Variants in PDE4D observed in about 807,000 individuals in gnomAD.
The protein encoded by PDE4D is phosphodiesterase 4D.
In PDE4D, 24 loss-of-function variants were observed where a neutral mutation model predicts 87.4. That is an observed-to-expected ratio of 0.27 (90% CI 0.20 to 0.39). The LOEUF (loss-of-function observed/expected upper bound fraction) is 0.39. Ranked by LOEUF, PDE4D falls within the 10% of genes least tolerant of loss-of-function variation. The pLI is 1.00. For synonymous variants in PDE4D, 384 were observed against 383.2 expected (o/e 1.00, Z -0.02); for missense variants, 714 against 1,041.0 (o/e 0.69, Z 4.32).
At chr5:59,580,164 G>T (rs901058854) in intron 1 of PDE4D, among the ~76,000 whole-genome samples, 1 of 152,172 alleles carries the variant, frequency 6.6e-6, no homozygotes, top group Non-Finnish European at 1.5e-5. Flanking sequence ...GAACAATATG[G>T]TGGATTAAAA....
chr5:59,413,457 CAAAAAAAAAAAAAAAA>C (rs34074485), intron 1 of PDE4D, among the ~76,000 whole-genome samples: 1 of 54,410 alleles, frequency 1.8e-5, no homozygotes, highest in African/African-American at 8.3e-5. Context: ...GACTCCATCT[CAAAAAAAAAAAAAAAA>C]AAAAAAAAGA....
chr5:59,436,092 C>CA (rs1796764015), intron 1 of PDE4D, among the ~76,000 whole-genome samples: 1 of 152,110 alleles, frequency 6.6e-6, no homozygotes. Flanking sequence ...CTGGCAAATT[C>CA]AAAATTAATT....
chr5:59,770,827 C>T (rs1763359600), intron 1 of PDE4D, among the ~76,000 whole-genome samples: 2 of 152,040 alleles, frequency 1.3e-5, no homozygotes, highest in Non-Finnish European at 2.9e-5. Flanking sequence ...AATGGGTGCT[C>T]TAGGATATTT....
chr5:58,974,641 A>G lies in PDE4D; in HGVS notation c.*23T>C. The G allele has an allele frequency of 6.6e-7, 1 of 1,513,724 alleles. No individual in the cohort carries two copies. Among genetic ancestry groups the G allele is most frequent in the Non-Finnish European group, 8.8e-7 (1 of 1,130,100 alleles). The allele number at this position is 1,513,724 out of a possible 1,614,324, so 93.8% of individuals were successfully genotyped here. ...ACAATTTTTCTACTTAAAAAAAAAA[A>G]AGGCATGAAAGTTTTTGCACTGTTA... is the stretch of plus-strand genomic sequence containing the variant. On this transcript the variant is annotated 3_prime_UTR_variant, in exon 15 of 15. Transcript: ENST00000340635.
chr5:59,385,527 G>A (rs1006905198), intron 1 of PDE4D, among the ~76,000 whole-genome samples: 4 of 152,028 alleles, frequency 2.6e-5, no homozygotes, highest in African/African-American at 9.7e-5. Flanking sequence ...GGGTGGGGTA[G>A]GAGGCAAGGT....
At position 59,888,992 on chromosome 5, in the gene PDE4D, C is replaced by T. The variant is rs547704559; in HGVS notation, c.455+4176G>A. Among the ~76,000 whole-genome samples, 65 of 150,810 alleles carry T rather than the reference C, an allele frequency of 4.3e-4. No individual in the cohort carries two copies. In the South Asian group the frequency reaches 9.9e-3, roughly 23 times the overall value. On this transcript the variant is annotated intron_variant, in intron 1 of 14. Transcript: ENST00000340635. ...TCTGTATCCCAGCACTTTGGGAGGC[C>T]GAGGCGGGTGGATAACTTGAGGCCA...
intron 5 of PDE4D, among the ~76,000 whole-genome samples, chr5:59,135,163 C>T (rs1776857409): frequency 2.6e-5 from 4 of 152,284 alleles, no homozygotes; most frequent in African/African-American, 9.6e-5. Flanking sequence ...GAAGGATGTG[C>T]CCTTACTCTG....
intron 1 of PDE4D, among the ~76,000 whole-genome samples, chr5:60,337,974 T>C (rs2149889295): frequency 6.6e-6 from 1 of 152,284 alleles, no homozygotes; most frequent in South Asian, 2.1e-4. Flanking sequence ...TGGGCAATTA[T>C]AAGATGTTGT....
intron 1 of PDE4D, among the ~76,000 whole-genome samples, chr5:59,482,023 A>T (rs1463385436): frequency 6.6e-6 from 1 of 152,092 alleles, no homozygotes; most frequent in African/African-American, 2.4e-5. Flanking sequence ...TACAAAACCC[A>T]CTTCTTCAGG....
chr5:59,781,985 A>G (rs573987932), intron 1 of PDE4D, among the ~76,000 whole-genome samples: 1 of 152,234 alleles, frequency 6.6e-6, no homozygotes, highest in East Asian at 1.9e-4. Flanking sequence ...ATGACCTCAC[A>G]AACAGAAATA....
At chr5:60,154,507 C>T (rs975990320) in intron 2 of PDE4D, among the ~76,000 whole-genome samples, 2 of 152,180 alleles carry the variant, frequency 1.3e-5, no homozygotes, top group Non-Finnish European at 2.9e-5. Context: ...AACTCCTGAC[C>T]TTATGATCCA....
intron 1 of PDE4D, among the ~76,000 whole-genome samples, chr5:59,513,456 G>A (rs187351876): frequency 2.8e-4 from 43 of 152,216 alleles, no homozygotes; most frequent in Non-Finnish European, 5.3e-4. Flanking sequence ...TTGTAAGGAT[G>A]AACAAAATCC....
Position 58,990,910 on chromosome 5 carries a change from GAAA to G in PDE4D, c.1189-11_1189-9del, listed in dbSNP as rs368587062. ...GTTCACATCTTCTAGTTCCTGGAGT[GAAA>G]AAAAAAAAAAGATACTAAAATATTA... On this transcript the variant is annotated splice_polypyrimidine_tract_variant and intron_variant, in intron 8 of 14. Coordinates refer to ENST00000340635, the MANE Select transcript of PDE4D (RefSeq NM_001104631.2). 8.1e-4 allele frequency: 873 copies of G among 1,075,362 alleles called. No individual in the cohort carries two copies. The highest frequency in any genetic ancestry group is 1.1e-3 in the Admixed American group (42 of 38,366). 66.6% of individuals were successfully genotyped at this position (1,075,362 alleles called of 1,614,324 possible).
At chr5:59,310,131 C>G (rs1772280109) in intron 1 of PDE4D, among the ~76,000 whole-genome samples, 2 of 152,174 alleles carry the variant, frequency 1.3e-5, no homozygotes, top group Non-Finnish European at 1.5e-5. Flanking sequence ...CCCTTTTGGA[C>G]AGGTGGCTCA....
chr5:59,142,613 C>T (rs879439684), intron 5 of PDE4D, among the ~76,000 whole-genome samples: 1 of 152,236 alleles, frequency 6.6e-6, no homozygotes, highest in Non-Finnish European at 1.5e-5. Flanking sequence ...TAGTGGTTCT[C>T]AAACTAGGTG....
At position 59,985,137 on chromosome 5, in the gene PDE4D, TGTTTTTTGTTTTTTA is replaced by T. The variant is rs1762311377; in HGVS notation, c.272+3336_272+3350del. ...ACTTCACCTTTCGTTTTTTGTTTTTTGTTTTTTGTTTTTTATTTTGAGACAGAGTCTCACTCTGTC... is the reference window on the plus strand; with the variant it reads ...ACTTCACCTTTCGTTTTTTGTTTTTTTTTTGAGACAGAGTCTCACTCTGTC... On this transcript the variant is annotated intron_variant, in intron 3 of 16. Coordinates refer to the PDE4D transcript ENST00000502484. 1.5e-4 allele frequency among the ~76,000 whole-genome samples: 17 copies of T among 114,572 alleles called. 4 individuals carry two copies. The highest frequency in any genetic ancestry group is 1.4e-3 in the East Asian group (3 of 2,120). The allele number at this position is 114,572 out of a possible 152,430, so 75.2% of individuals were successfully genotyped here. A position where few individuals can be genotyped will look rare whatever the true frequency, so the allele number is the denominator to read the frequency against.
At chr5:60,274,740 A>T (rs1751195409) in intron 1 of PDE4D, among the ~76,000 whole-genome samples, 1 of 152,204 alleles carries the variant, frequency 6.6e-6, no homozygotes, top group African/African-American at 2.4e-5. Flanking sequence ...CCAAGCAGAG[A>T]TCATTCAGAT....
chr5:59,596,714 TCAC>T (rs1826733166), intron 1 of PDE4D, among the ~76,000 whole-genome samples: 1 of 152,122 alleles, frequency 6.6e-6, no homozygotes, highest in Non-Finnish European at 1.5e-5. Context: ...TTCCTACACT[TCAC>T]CATTATAAAA....
At chr5:59,618,201 C>G (rs1579894721) in intron 1 of PDE4D, among the ~76,000 whole-genome samples, 3 of 152,090 alleles carry the variant, frequency 2.0e-5, no homozygotes. Flanking sequence ...TGAGAATAAA[C>G]AGGAAGCCCT....
Sources: allele counts gnomAD v4.1 joint callset (sites outside exome capture counted in the v4.1 genomes callset), GRCh38; gene constraint gnomAD v4.1.1; transcripts MANE v1.5; gene names NCBI Gene and HGNC (gene_info 2026-07-23, HGNC 2026-07-21).